The following ADAM17 variants were observed in gnomAD, a reference collection of about 807,000 sequenced individuals.
The protein encoded by ADAM17 is ADAM metallopeptidase domain 17.
A neutral mutation model predicts 96.7 loss-of-function variants in ADAM17; 39 were observed. That is an observed-to-expected ratio of 0.40 (90% CI 0.31 to 0.53). The LOEUF is 0.53. Ranked by LOEUF, ADAM17 falls within the 20% of genes least tolerant of loss-of-function variation. The pLI, the probability that ADAM17 is intolerant of heterozygous loss-of-function variation, is 0.44. For missense variants in ADAM17, 777 were observed against 1,013.2 expected (o/e 0.77, Z 3.17); for synonymous variants, 344 against 359.2 (o/e 0.96, Z 0.48).
At position 9,490,117 on chromosome 2, in the gene ADAM17, T is replaced by C. The variant is rs1439971733; in HGVS notation, c.*60A>G. On this transcript the variant is annotated 3_prime_UTR_variant, in exon 19 of 19. Coordinates refer to ENST00000310823, the MANE Select transcript of ADAM17 (RefSeq NM_003183.6). ...TCACAAAATACAAGCTGTGATTGAT[T>C]TGTAGGTCAAATCTATAAAAATATT... The C allele has an allele frequency of 1.4e-5, 18 of 1,326,316 alleles. No homozygotes were observed. Among genetic ancestry groups the C allele is most frequent in the South Asian group, 9.7e-5 (7 of 72,266 alleles). The allele number at this position is 1,326,316 out of a possible 1,614,324, so 82.2% of individuals were successfully genotyped here. A position where few individuals can be genotyped will look rare whatever the true frequency, so the allele number is the denominator to read the frequency against.
chr2:9,518,281 A>AAG, intron 8 of ADAM17, 34 bp from the exon 9 acceptor site: 1 of 1,412,234 alleles, frequency 7.1e-7, no homozygotes, highest in Non-Finnish European at 9.5e-7. Flanking sequence ...AAAAAAAAAA[A>AAG]GCATTCTTAG....
rs2230818 is a variant in ADAM17, at chr2:9,527,801, T to C, written c.604A>G (p.Arg202Gly). The change falls in exon 5 of 19, where the codon AGA becomes GGA. Residue 202 changes from arginine (R) to glycine (G), a missense_variant. This residue lies in a region of ADAM17 where 446 missense variants were observed against 664.7 expected (regional missense o/e 0.67). Transcript: ENST00000310823. ...EELLPKGLVD[R>G]EPPEELVHRV... ...TAAGTCTTACCTTCAGGTGGTTCTCTGTCTACTAACCCTTTTGGGAGCAAC... is the reference window on the plus strand; with the variant it reads ...TAAGTCTTACCTTCAGGTGGTTCTCCGTCTACTAACCCTTTTGGGAGCAAC... The C allele has an allele frequency of 0.012, 19,065 of 1,581,208 alleles. 2,033 individuals are homozygous for C. The African/African-American group carries it at 0.22, about 19-fold the overall frequency.
intron 14 of ADAM17, 124 bp downstream of exon 14, chr2:9,496,990 C>T: frequency 7.0e-7 from 1 of 1,428,386 alleles, no homozygotes; most frequent in South Asian, 1.4e-5. Context: ...CTTCCCCATC[C>T]CCTCATCCTC....
Position 9,523,112 on chromosome 2 carries a change from A to T in ADAM17, c.843+137T>A, listed in dbSNP as rs896396055. 5 of 623,258 alleles carry T rather than the reference A, an allele frequency of 8.0e-6. No individual in the cohort carries two copies. In the Admixed American group the frequency reaches 9.6e-5, roughly 12 times the overall value. 38.6% of individuals were successfully genotyped at this position (623,258 alleles called of 1,614,324 possible). On this transcript the variant is annotated intron_variant, in intron 7 of 18. Transcript: ENST00000310823. ...TAACATCAAAAATACTGCACAATTC[A>T]TCATAAAAAATCATTGGCATCTGAG...
At chr2:9,538,560 TATAA>T (rs1039508004) in intron 2 of ADAM17, among the ~76,000 whole-genome samples, 3 of 152,226 alleles carry the variant, frequency 2.0e-5, no homozygotes, top group Non-Finnish European at 4.4e-5. Flanking sequence ...GCATACTTAT[TATAA>T]ATGTCTTATT....
intron 7 of ADAM17, chr2:9,521,735 C>T (rs1003478605): frequency 6.8e-6 from 1 of 146,968 alleles, no homozygotes; most frequent in African/African-American, 2.5e-5. Context: ...CAGACAAATT[C>T]ATATTAAACC....
chr2:9,532,628 T>C (rs1199165729), intron 4 of ADAM17, among the ~76,000 whole-genome samples: 2 of 148,978 alleles, frequency 1.3e-5, no homozygotes, highest in Non-Finnish European at 3.0e-5. Flanking sequence ...TGTGCCACCA[T>C]GCCCAGCTAA....
At chr2:9,503,443 A>G (rs1198781709) in intron 12 of ADAM17, among the ~76,000 whole-genome samples, 2 of 152,170 alleles carry the variant, frequency 1.3e-5, no homozygotes, top group Admixed American at 1.3e-4. Flanking sequence ...ATATCCCAAG[A>G]CTGTCATTTT....
chr2:9,526,061 A>T, intron 6 of ADAM17, 50 bp downstream of exon 6: 2 of 1,501,352 alleles, frequency 1.3e-6, no homozygotes, highest in Non-Finnish European at 1.8e-6. Context: ...CATGGAATGT[A>T]CCCACCCAAA....
In ADAM17 at chr2:9,489,724, G is replaced by GAA. The variant is rs1661936439; in HGVS notation, c.*452_*453insTT. ...TTATCTCCTTTGTTTTTAGTTGAAG[G>GAA]CAAAAAAAAAAAAAAAAAAAAAAAA... On this transcript the variant is annotated 3_prime_UTR_variant, in exon 19 of 19. Transcript: ENST00000310823. 3 of 45,688 alleles carry GAA rather than the reference G, an allele frequency of 6.6e-5. No homozygotes were observed. Among genetic ancestry groups the GAA allele is most frequent in the Admixed American group, 2.6e-4 (1 of 3,886 alleles). 2.8% of individuals were successfully genotyped at this position (45,688 alleles called of 1,614,324 possible).
intron 11 of ADAM17, chr2:9,506,696 G>A (rs1165405030): frequency 6.6e-6 from 1 of 152,208 alleles, no homozygotes; most frequent in Non-Finnish European, 1.5e-5. Context: ...ATGTCTAAGG[G>A]GTCTGGTTAT....
chr2:9,529,072 A>G (rs570505475), intron 4 of ADAM17, among the ~76,000 whole-genome samples: 5 of 152,394 alleles, frequency 3.3e-5, no homozygotes, highest in Admixed American at 1.3e-4. Flanking sequence ...ATACAATGGA[A>G]TACTATTCAG....
intron 4 of ADAM17, among the ~76,000 whole-genome samples, chr2:9,533,240 A>G (rs754569339): frequency 2.6e-5 from 4 of 151,838 alleles, no homozygotes; most frequent in Non-Finnish European, 4.4e-5. Context: ...CTAAAGACAC[A>G]TATTTTGGCT....
rs1333720371 is a variant in ADAM17, at chr2:9,497,108, G to A, written c.1783+6C>T. 6.2e-7 allele frequency: 1 copy of A among 1,613,028 alleles called. No individual in the cohort carries two copies. Among genetic ancestry groups the A allele is most frequent in the Admixed American group, 1.7e-5 (1 of 59,868 alleles). On this transcript the variant is annotated splice_donor_region_variant and intron_variant, in intron 14 of 18. Coordinates refer to ENST00000310823, the MANE Select transcript of ADAM17 (RefSeq NM_003183.6). ...CTGCTGCTGGACTGGGAATAAAACT[G>A]CTCACCATTACATGCACAGGACTCC...
intron 1 of ADAM17, among the ~76,000 whole-genome samples, chr2:9,553,273 A>C (rs1256244850): frequency 6.6e-6 from 1 of 152,126 alleles, no homozygotes; most frequent in Non-Finnish European, 1.5e-5. Context: ...TCCTAAATGA[A>C]TGTCTATTTC....
intron 3 of ADAM17, 33 bp from the exon 4 acceptor site, chr2:9,535,955 T>C (rs755242630): frequency 5.8e-6 from 8 of 1,369,764 alleles, no homozygotes; most frequent in Non-Finnish European, 7.9e-6. Flanking sequence ...TATTTAAAAA[T>C]ACTTACATCA....
At chr2:9,505,124 G>T (rs763762923) in intron 12 of ADAM17, 42 bp downstream of exon 12, 1 of 1,603,980 alleles carries the variant, frequency 6.2e-7, no homozygotes, top group African/African-American at 1.3e-5. Context: ...TGGACATCTT[G>T]TTATACCAAC....
chr2:9,500,019 C>T (rs1329745132), intron 13 of ADAM17, among the ~76,000 whole-genome samples: 1 of 152,192 alleles, frequency 6.6e-6, no homozygotes, highest in Non-Finnish European at 1.5e-5. Flanking sequence ...AAAGATTAAG[C>T]ATAGTTACCA....
chr2:9,554,064 G>GAA (rs979017699), intron 1 of ADAM17, among the ~76,000 whole-genome samples: 2 of 146,200 alleles, frequency 1.4e-5, no homozygotes, highest in Non-Finnish European at 3.0e-5. Context: ...CTCTGTCTTG[G>GAA]AAAAAAAAAA....
Sources: gnomAD v4.1 joint callset for allele counts (sites outside exome capture counted in the v4.1 genomes callset) on GRCh38, gnomAD v4.1.1 for gene constraint, gnomAD v4.1.1 regional missense constraint, MANE v1.5 for transcripts, NCBI Gene and HGNC (gene_info 2026-07-23, HGNC 2026-07-21) for gene names.